Variants in UNC93A observed in about 807,000 individuals in gnomAD.
UNC93A encodes the protein unc-93 homolog A, also known as N-acetylglucosamine transporter UNC93A.
UNC93A carries 43 observed loss-of-function variants against 47.5 expected under a neutral mutation model. The observed-to-expected ratio is 0.91, with a 90% CI of 0.71 to 1.17. The LOEUF (loss-of-function observed/expected upper bound fraction) is 1.17, where lower values mean the gene tolerates loss of function less well. Ranked by LOEUF, UNC93A falls within the 50% of genes most tolerant of loss-of-function variation. The probability of loss-of-function intolerance (pLI) is 0.00; values close to 1 mark genes in which losing one functional copy is unlikely to be tolerated. For synonymous variants in UNC93A, 280 were observed against 258.0 expected (o/e 1.09, Z -0.82); for missense variants, 605 against 577.6 (o/e 1.05, Z -0.49).
chr6:167,302,780 C>T (rs770831440), intron 4 of UNC93A, among the ~76,000 whole-genome samples: 21 of 152,150 alleles, frequency 1.4e-4, no homozygotes, highest in African/African-American at 4.6e-4. Flanking sequence ...TCCAGGAGTC[C>T]CCCTTGTCCC....
At chr6:167,290,406 C>A (rs896353458), upstream of UNC93A, among the ~76,000 whole-genome samples, 1 of 152,122 alleles carries the variant, frequency 6.6e-6, no homozygotes, top group African/African-American at 2.4e-5. Flanking sequence ...GACTTACCTG[C>A]GAGATTTGCC....
intron 7 of UNC93A, among the ~76,000 whole-genome samples, chr6:167,312,236 A>C (rs191064095): frequency 6.6e-6 from 1 of 150,716 alleles, no homozygotes; most frequent in East Asian, 2.0e-4. Flanking sequence ...CATATGGGGG[A>C]TACAGGACAG....
intron 1 of UNC93A, among the ~76,000 whole-genome samples, chr6:167,277,489 C>T (rs206978): frequency 0.48 from 72,404 of 151,960 alleles, 19,248 homozygotes; most frequent in African/African-American, 0.73. Context: ...CACAAAAGAA[C>T]GGCCCCTCCT....
intron 1 of UNC93A, among the ~76,000 whole-genome samples, chr6:167,271,742 A>T (rs1783454510): frequency 1.3e-5 from 2 of 152,180 alleles, no homozygotes; most frequent in Admixed American, 6.5e-5. Context: ...CTCATCATGC[A>T]CACACATGGG....
chr6:167,301,773 G>A (rs1178592942), intron 4 of UNC93A, among the ~76,000 whole-genome samples: 1 of 152,196 alleles, frequency 6.6e-6, no homozygotes, highest in Non-Finnish European at 1.5e-5. Flanking sequence ...TGTGAAGAAG[G>A]CGCTGCCTTC....
intron 4 of UNC93A, among the ~76,000 whole-genome samples, chr6:167,300,615 G>T (rs983008351): frequency 1.3e-5 from 2 of 152,112 alleles, no homozygotes; most frequent in East Asian, 3.8e-4. Context: ...GAGGAGCCAC[G>T]GTTTTCTCTG....
intron 4 of UNC93A, among the ~76,000 whole-genome samples, chr6:167,298,515 C>T (rs575612922): frequency 1.5e-4 from 22 of 148,508 alleles, no homozygotes; most frequent in Admixed American, 4.0e-4. Flanking sequence ...TCCATAATTG[C>T]TATAAGCCAC....
At chr6:167,281,418 T>G (rs1221899689) in intron 1 of UNC93A, among the ~76,000 whole-genome samples, 2 of 152,146 alleles carry the variant, frequency 1.3e-5, no homozygotes, top group Admixed American at 1.3e-4. Context: ...GAGGATGAGA[T>G]GAGTTGAGCT....
chr6:167,283,760 A>T (rs1010736184), intron 1 of UNC93A, among the ~76,000 whole-genome samples: 1 of 152,208 alleles, frequency 6.6e-6, no homozygotes, highest in Non-Finnish European at 1.5e-5. Flanking sequence ...ACCCTTCATC[A>T]TGTTCAGAGA....
chr6:167,277,138 T>A (rs1032611656), intron 1 of UNC93A, among the ~76,000 whole-genome samples: 1 of 152,216 alleles, frequency 6.6e-6, no homozygotes, highest in Non-Finnish European at 1.5e-5. Context: ...GATCACCCTC[T>A]GTGAAGGTAG....
chr6:167,281,061 C>T (rs1783624045), intron 1 of UNC93A, among the ~76,000 whole-genome samples: 2 of 152,254 alleles, frequency 1.3e-5, no homozygotes, highest in South Asian at 4.2e-4. Flanking sequence ...AAGGATGTCC[C>T]ACCAAGAGGA....
intron 1 of UNC93A, among the ~76,000 whole-genome samples, chr6:167,279,662 C>T (rs1486771758): frequency 2.0e-5 from 3 of 152,032 alleles, no homozygotes; most frequent in South Asian, 2.1e-4. Flanking sequence ...TTGTTTCAGT[C>T]GAGTATAACC....
chr6:167,293,758 G>A (rs1408244070), intron 1 of UNC93A, among the ~76,000 whole-genome samples: 2 of 152,162 alleles, frequency 1.3e-5, no homozygotes, highest in Non-Finnish European at 2.9e-5. Context: ...GACAAAGGAC[G>A]CTCTTTTGTG....
At chr6:167,276,060 TTTTC>T (rs1324783577) in intron 1 of UNC93A, among the ~76,000 whole-genome samples, 8 of 78,580 alleles carry the variant, frequency 1.0e-4, no homozygotes, top group Admixed American at 4.8e-4. Context: ...TTTTCTTTTC[TTTTC>T]TTTTTTTTTT....
Position 167,303,952 on chromosome 6 carries a change from C to T in UNC93A, c.659C>T (p.Ala220Val), listed in dbSNP as rs34838751. ...GTCCTGGCTGTCCTGATGATAGCTG[C>T]GTTCCTCCAACCCATACGAGATGTT... ...SGVLAVLMIAAFLQPIRDVQR... is the reference protein window; with the variant it reads ...SGVLAVLMIAVFLQPIRDVQR... Residue 220 changes from alanine to valine, a missense_variant, in exon 5 of 8, where the codon GCG (alanine) becomes GTG (valine). Ala to Val is a moderately conservative substitution (Grantham distance 64, BLOSUM62 0). Coordinates refer to ENST00000230256, the MANE Select transcript of UNC93A (RefSeq NM_018974.4). 4.9e-3 allele frequency: 7,942 copies of T among 1,613,430 alleles called. 349 individuals carry two copies. The African/African-American group carries it at 0.094, about 19-fold the overall frequency.
At chr6:167,270,273 G>T (rs191993585), upstream of UNC93A, among the ~76,000 whole-genome samples, 120 of 152,300 alleles carry the variant, frequency 7.9e-4, no homozygotes, top group African/African-American at 2.8e-3. Context: ...CTGTTGTGAA[G>T]CTCTGTGTTA....
rs763512748 is a variant in UNC93A, at chr6:167,307,855, C to T, written c.1053C>T (p.Phe351=). 24 of 1,613,970 alleles carry T rather than the reference C, an allele frequency of 1.5e-5. No individual in the cohort carries two copies. The highest frequency in any genetic ancestry group is 3.3e-4 in the Middle Eastern group (2 of 6,082). Residue 351 remains phenylalanine (F), a synonymous_variant, in exon 7 of 8, where the codon TTC becomes TTT. Transcript: ENST00000230256. ...RPRADHLAVF[F]VFSGLWGVAD... ...GTGCTGACCATCTGGCAGTGTTCTT[C>T]GTATTCTCTGGCCTGTGGGGCGTGG...
At chr6:167,296,455 G>A (rs899758678) in intron 3 of UNC93A, among the ~76,000 whole-genome samples, 194 bp downstream of exon 3, 12 of 152,302 alleles carry the variant, frequency 7.9e-5, no homozygotes, top group African/African-American at 2.6e-4. Context: ...CTGGACAGTC[G>A]GGTGGGACTG....
At chr6:167,297,276 C>T (rs1478187421) in intron 3 of UNC93A, among the ~76,000 whole-genome samples, 1 of 151,682 alleles carries the variant, frequency 6.6e-6, no homozygotes, top group Non-Finnish European at 1.5e-5. Context: ...GCTTCTCCAC[C>T]TTCTTGTACC....
Sources: gnomAD v4.1 joint callset for allele counts (sites outside exome capture counted in the v4.1 genomes callset) on GRCh38, gnomAD v4.1.1 for gene constraint, MANE v1.5 for transcripts, NCBI Gene and HGNC (gene_info 2026-07-23, HGNC 2026-07-21) for gene names.